PIN4: variants seen among roughly 807,000 people sequenced by gnomAD.
PIN4 encodes the protein peptidyl-prolyl cis-trans isomerase NIMA-interacting 4.
A neutral mutation model predicts 8.3 loss-of-function variants in PIN4; 3 were observed. The observed-to-expected ratio is 0.36, with a 90% CI of 0.16 to 0.93. The LOEUF is 0.93. Ranked by LOEUF, PIN4 falls within the 40% of genes least tolerant of loss-of-function variation. The probability of loss-of-function intolerance (pLI) is 0.44; values close to 1 mark genes in which losing one functional copy is unlikely to be tolerated. For missense variants in PIN4, 75 were observed against 100.6 expected, an observed-to-expected ratio of 0.75 and a Z score of 1.09; for synonymous variants, 18 against 32.5, an observed-to-expected ratio of 0.55 and a Z score of 1.52.
intron 3 of PIN4, among the ~76,000 whole-genome samples, chrX:72,228,272 G>A (rs1425087356): frequency 1.8e-5 from 2 of 112,042 alleles, no homozygotes; most frequent in African/African-American, 6.5e-5. Flanking sequence ...GCCTTGCTGA[G>A]GAAATTAATT....
At chrX:72,187,463 T>G (rs2042709160) in intron 2 of PIN4, among the ~76,000 whole-genome samples, 1 of 111,649 alleles carries the variant, frequency 9.0e-6, no homozygotes, top group African/African-American at 3.3e-5. Context: ...AAGCAATGTA[T>G]TAGGCTCTGG....
chrX:72,223,416 T>C (rs1397572336), intron 3 of PIN4, among the ~76,000 whole-genome samples: 4 of 104,962 alleles, frequency 3.8e-5, no homozygotes, highest in African/African-American at 1.4e-4. Flanking sequence ...TTGGAGACAG[T>C]TTTGCTCTTG....
intron 3 of PIN4, among the ~76,000 whole-genome samples, chrX:72,229,324 G>A (rs1023785928): frequency 2.7e-5 from 3 of 111,857 alleles, no homozygotes; most frequent in Non-Finnish European, 5.6e-5. Flanking sequence ...CAACTGGCTC[G>A]TTTGACAGCC....
intron 3 of PIN4, among the ~76,000 whole-genome samples, chrX:72,230,780 A>G (rs1189748288): frequency 9.0e-6 from 1 of 111,422 alleles, no homozygotes; most frequent in Non-Finnish European, 1.9e-5. Flanking sequence ...CCTGGGCAAC[A>G]TGGCAAAACC....
At chrX:72,191,675 C>T (rs2042734864) in intron 2 of PIN4, among the ~76,000 whole-genome samples, 1 of 112,320 alleles carries the variant, frequency 8.9e-6, no homozygotes, top group Non-Finnish European at 1.9e-5. Context: ...AAGTACTCAT[C>T]AACTTTTAAA....
chrX:72,254,658 C>G (rs2043101906), intron 3 of PIN4, among the ~76,000 whole-genome samples: 1 of 112,351 alleles, frequency 8.9e-6, no homozygotes, highest in African/African-American at 3.2e-5. Flanking sequence ...GGAAACAAAG[C>G]TGATTTTAAA....
intron 3 of PIN4, among the ~76,000 whole-genome samples, chrX:72,253,319 G>A (rs765160852): frequency 1.8e-5 from 2 of 112,134 alleles, no homozygotes; most frequent in African/African-American, 6.5e-5. Context: ...CTGTTCCCCA[G>A]TCAATCTTTC....
At chrX:72,205,126 CCA>C (rs781440105) in intron 3 of PIN4, 4 of 1,211,484 alleles carry the variant, frequency 3.3e-6, no homozygotes, top group Admixed American at 2.2e-5. Flanking sequence ...CTGGATTTTT[CCA>C]CACTCTTTTA....
At chrX:72,244,863 T>C (rs1290650131) in intron 3 of PIN4, among the ~76,000 whole-genome samples, 3 of 108,015 alleles carry the variant, frequency 2.8e-5, no homozygotes, top group Non-Finnish European at 5.8e-5. Context: ...GGAGGATCAC[T>C]TGAGCCCAGG....
At chrX:72,245,908 G>A (rs2043065900) in intron 3 of PIN4, among the ~76,000 whole-genome samples, 1 of 111,394 alleles carries the variant, frequency 9.0e-6, no homozygotes, top group African/African-American at 3.3e-5. Context: ...GGTGAAGTGG[G>A]CACCAAAGGA....
At chrX:72,214,440 G>A (rs12835549) in intron 3 of PIN4, among the ~76,000 whole-genome samples, 7 of 111,362 alleles carry the variant, frequency 6.3e-5, no homozygotes, top group Non-Finnish European at 1.3e-4. Flanking sequence ...TTGGGAGGCC[G>A]AGGCGGTTGG....
At chrX:72,198,342 C>A, downstream of PIN4, 1 of 731,622 alleles carries the variant, frequency 1.4e-6, no homozygotes, top group African/African-American at 2.3e-5. Flanking sequence ...GCCAACACAG[C>A]TATGTGATTC....
At chrX:72,185,335 T>A (rs1052177099) in intron 1 of PIN4, among the ~76,000 whole-genome samples, 1 of 109,517 alleles carries the variant, frequency 9.1e-6, no homozygotes, top group African/African-American at 3.3e-5. Context: ...ACATACCATG[T>A]CGTTTCCCCC....
intron 3 of PIN4, among the ~76,000 whole-genome samples, chrX:72,239,427 G>A (rs2043038609): frequency 8.9e-6 from 1 of 112,131 alleles, no homozygotes; most frequent in African/African-American, 3.2e-5. Context: ...CACTGACCGT[G>A]CTTTGAATTC....
chrX:72,206,722 A>G, intron 3 of PIN4: 1 of 1,211,517 alleles, frequency 8.3e-7, no homozygotes, highest in Non-Finnish European at 1.1e-6. Context: ...TTTAACAGAC[A>G]GATCACATGT....
intron 3 of PIN4, among the ~76,000 whole-genome samples, chrX:72,241,991 A>G: frequency 9.0e-6 from 1 of 111,299 alleles, no homozygotes; most frequent in Non-Finnish European, 1.9e-5. Context: ...AAGAGAGATG[A>G]GAGCACAAAA....
intron 2 of PIN4, among the ~76,000 whole-genome samples, chrX:72,189,122 G>A (rs777388383): frequency 9.1e-6 from 1 of 110,395 alleles, no homozygotes; most frequent in African/African-American, 3.3e-5. Context: ...TCAGGATCAC[G>A]CCACTGCACT....
intron 3 of PIN4, among the ~76,000 whole-genome samples, chrX:72,217,732 A>T (rs993509302): frequency 4.5e-5 from 5 of 111,652 alleles, no homozygotes; most frequent in Non-Finnish European, 7.5e-5. Context: ...AAAATAAAAA[A>T]AAACACAAAA....
downstream of PIN4, among the ~76,000 whole-genome samples, chrX:72,199,215 C>T (rs950598586): frequency 2.7e-5 from 3 of 111,699 alleles, no homozygotes; most frequent in Non-Finnish European, 5.7e-5. Context: ...ACCCTGCCTA[C>T]GTGTACTTTG....
Sources: gnomAD v4.1 joint callset for allele counts (sites outside exome capture counted in the v4.1 genomes callset) on GRCh38, gnomAD v4.1.1 for gene constraint, MANE v1.5 for transcripts, NCBI Gene and HGNC (gene_info 2026-07-23, HGNC 2026-07-21) for gene names.